Variants in CSMD1 observed in about 807,000 individuals in gnomAD.
CSMD1 encodes CUB and sushi domain-containing protein 1.
In CSMD1, 213 loss-of-function variants were observed where a neutral mutation model predicts 417.5. That is an observed-to-expected ratio of 0.51 (90% confidence interval 0.46 to 0.57). The LOEUF (loss-of-function observed/expected upper bound fraction) is 0.57, where lower values mean the gene tolerates loss of function less well. Among genes scored for constraint, CSMD1 ranks in the 20% least tolerant of loss-of-function variants. The pLI is 0.00. For synonymous variants in CSMD1, 2,862 were observed against 1,736.8 expected, an observed-to-expected ratio of 1.65 and a Z score of -16.11; for missense variants, 6,923 against 4,529.7, an observed-to-expected ratio of 1.53 and a Z score of -15.17.
rs187116832 is a variant in CSMD1 at position 3,088,003 on chromosome 8, T to A, written c.7286-718A>T. Among the ~76,000 whole-genome samples the A allele has an allele frequency of 1.4e-4, 21 of 152,362 alleles. No homozygotes were observed. In the East Asian group the frequency reaches 3.7e-3, roughly 27 times the overall value. Reference sequence around the variant, plus strand: ...TGACTGTTCAGTGAAACTTCTGGACTGTACAATGATGTAGATATTAACCTT... The same window carrying A: ...TGACTGTTCAGTGAAACTTCTGGACAGTACAATGATGTAGATATTAACCTT... On this transcript the variant is annotated intron_variant, in intron 48 of 69. Coordinates refer to ENST00000635120, the MANE Select transcript of CSMD1 (RefSeq NM_033225.6).
intron 9 of CSMD1, 108 bp from the exon 10 acceptor site, chr8:3,575,174 A>T: frequency 2.8e-6 from 2 of 703,206 alleles, no homozygotes; most frequent in Non-Finnish European, 3.9e-6. Flanking sequence ...TCACAGTAAA[A>T]AAAAAAAAAA....
At chr8:3,400,993 T>C (rs1260776468) in intron 15 of CSMD1, among the ~76,000 whole-genome samples, 6 of 151,736 alleles carry the variant, frequency 4.0e-5, no homozygotes, top group Non-Finnish European at 8.8e-5. Flanking sequence ...ATTTTTCTTG[T>C]TAATTTCTTA....
intron 12 of CSMD1, among the ~76,000 whole-genome samples, chr8:3,415,943 T>C (rs1314902485): frequency 6.7e-6 from 1 of 148,574 alleles, no homozygotes; most frequent in East Asian, 1.9e-4. Flanking sequence ...TATTTAATTT[T>C]TGGCACTTAC....
intron 3 of CSMD1, among the ~76,000 whole-genome samples, chr8:4,124,853 A>C (rs949727595): frequency 6.6e-6 from 1 of 152,162 alleles, no homozygotes; most frequent in Non-Finnish European, 1.5e-5. Context: ...ATACAAAATA[A>C]ACTAACTCTA....
chr8:4,433,230 G>C (rs1283769739), intron 2 of CSMD1, among the ~76,000 whole-genome samples: 2 of 152,104 alleles, frequency 1.3e-5, no homozygotes, highest in Non-Finnish European at 2.9e-5. Flanking sequence ...CAAATAAAGT[G>C]CATTATAAAT....
At chr8:3,745,168 A>G (rs1240444341) in intron 6 of CSMD1, among the ~76,000 whole-genome samples, 3 of 152,198 alleles carry the variant, frequency 2.0e-5, no homozygotes, top group Non-Finnish European at 2.9e-5. Context: ...TCTATGAAAA[A>G]CCATTTTGAA....
chr8:3,575,812 A>G (rs1800127077), intron 9 of CSMD1, among the ~76,000 whole-genome samples: 1 of 151,180 alleles, frequency 6.6e-6, no homozygotes, highest in African/African-American at 2.4e-5. Flanking sequence ...GAATACAAAA[A>G]TAATTTAATT....
intron 5 of CSMD1, among the ~76,000 whole-genome samples, chr8:3,932,034 G>C (rs759250639): frequency 1.3e-5 from 2 of 150,316 alleles, no homozygotes; most frequent in South Asian, 2.2e-4. Flanking sequence ...TGTGACTTCA[G>C]TTCTAATTTC....
intron 5 of CSMD1, among the ~76,000 whole-genome samples, chr8:3,880,392 C>G (rs751825790): frequency 2.0e-5 from 3 of 152,170 alleles, no homozygotes; most frequent in Non-Finnish European, 4.4e-5. Flanking sequence ...TATAAATGAA[C>G]TGCCTCATGA....
chr8:4,929,300 C>T (rs952663010), intron 1 of CSMD1, among the ~76,000 whole-genome samples: 1 of 152,146 alleles, frequency 6.6e-6, no homozygotes, highest in East Asian at 1.9e-4. Flanking sequence ...GCCTCCCGAA[C>T]CATGGGCAAC....
intron 3 of CSMD1, among the ~76,000 whole-genome samples, chr8:4,059,978 G>C (rs2130733609): frequency 6.6e-6 from 1 of 152,242 alleles, no homozygotes; most frequent in South Asian, 2.1e-4. Context: ...AAGCCGGGCA[G>C]AGACACAGCC....
chr8:4,848,186 T>A (rs141172248), intron 1 of CSMD1, among the ~76,000 whole-genome samples: 39 of 152,344 alleles, frequency 2.6e-4, no homozygotes, highest in African/African-American at 9.1e-4. Context: ...TATTTCATTG[T>A]ATGGAAATGG....
At chr8:4,653,412 G>C (rs1804031684) in intron 1 of CSMD1, among the ~76,000 whole-genome samples, 1 of 152,056 alleles carries the variant, frequency 6.6e-6, no homozygotes, top group South Asian at 2.1e-4. Context: ...TCTGGTAATT[G>C]TTTAATTCAC....
chr8:4,277,855 C>G (rs1172140456), intron 3 of CSMD1, among the ~76,000 whole-genome samples: 1 of 152,172 alleles, frequency 6.6e-6, no homozygotes, highest in African/African-American at 2.4e-5. Context: ...TCACACCATT[C>G]TCCTGCCTCA....
chr8:4,819,731 C>A (rs17071579), intron 1 of CSMD1, among the ~76,000 whole-genome samples: 1 of 151,938 alleles, frequency 6.6e-6, no homozygotes, highest in South Asian at 2.1e-4. Flanking sequence ...AACCATTGAA[C>A]GGAAAATGCT....
At chr8:3,133,386 C>T (rs1399555754) in intron 41 of CSMD1, among the ~76,000 whole-genome samples, 1 of 152,218 alleles carries the variant, frequency 6.6e-6, no homozygotes, top group African/African-American at 2.4e-5. Context: ...CAATCGTCCT[C>T]AGTCTCTCCT....
intron 1 of CSMD1, among the ~76,000 whole-genome samples, chr8:4,846,982 T>C (rs140730329): frequency 9.5e-4 from 145 of 152,310 alleles, no homozygotes; most frequent in African/African-American, 3.1e-3. Flanking sequence ...CAAGATCCCT[T>C]ACATCATTTC....
intron 3 of CSMD1, among the ~76,000 whole-genome samples, chr8:4,269,451 C>A (rs557658060): frequency 6.6e-6 from 1 of 152,260 alleles, no homozygotes; most frequent in South Asian, 2.1e-4. Context: ...GAAGTTTAAT[C>A]AAGTATTTTT....
At chr8:3,300,395 T>G (rs1360029638) in intron 25 of CSMD1, among the ~76,000 whole-genome samples, 4 of 151,954 alleles carry the variant, frequency 2.6e-5, no homozygotes, top group Non-Finnish European at 4.4e-5. Flanking sequence ...TATTTTAAAA[T>G]TAAGAAAAAT....
Sources: gnomAD v4.1 joint callset for allele counts (sites outside exome capture counted in the v4.1 genomes callset) on GRCh38, gnomAD v4.1.1 for gene constraint, MANE v1.5 for transcripts, NCBI Gene and HGNC (gene_info 2026-07-23, HGNC 2026-07-21) for gene names.